Variants in CYTIP observed in about 807,000 individuals in gnomAD.
The protein encoded by CYTIP is cytohesin 1 interacting protein, also known as cytohesin-interacting protein.
In CYTIP, 26 loss-of-function variants were observed where a neutral mutation model predicts 43.8. The ratio of observed to expected loss-of-function variants is 0.59; its 90% CI spans 0.44 to 0.82. CYTIP has a LOEUF of 0.82. CYTIP is among the 40% of genes least tolerant of loss of function. The pLI, the probability that CYTIP is intolerant of heterozygous loss-of-function variation, is 0.00. For synonymous variants in CYTIP, 162 were observed against 162.9 expected, an observed-to-expected ratio of 0.99 and a Z score of 0.04; for missense variants, 426 against 443.1, an observed-to-expected ratio of 0.96 and a Z score of 0.35.
intron 7 of CYTIP, among the ~76,000 whole-genome samples, chr2:157,416,471 T>C (rs1685442278): frequency 6.6e-6 from 1 of 152,184 alleles, no homozygotes; most frequent in Non-Finnish European, 1.5e-5. Flanking sequence ...TCCAAAATGA[T>C]CATTTCTTAA....
chr2:157,415,867 G>A lies in CYTIP; in HGVS notation c.890C>T (p.Ser297Leu). ...GATGCTCCGGTTCCTCCTTGAAGAT[G>A]ACCTCCTCAGAAAATCATCCCCCTC... The part of the protein sequence containing the change: ...PKEGDDFLRR[S>L]SSRRNRSISN... The change falls in exon 8 of 8, where the codon TCA (serine) becomes TTA (leucine). Residue 297 changes from serine to leucine, a missense_variant. Coordinates refer to ENST00000264192, the MANE Select transcript of CYTIP (RefSeq NM_004288.5). The A allele has an allele frequency of 6.2e-7, 1 of 1,614,132 alleles. No homozygotes were observed. The highest frequency in any genetic ancestry group is 8.5e-7 in the Non-Finnish European group (1 of 1,180,022).
intron 5 of CYTIP, among the ~76,000 whole-genome samples, chr2:157,430,022 C>CA (rs768455650): frequency 0.086 from 4,432 of 51,638 alleles, 152 homozygotes; most frequent in African/African-American, 0.16. Context: ...GACTCCGTCT[C>CA]AAAAAAAAAA....
intron 3 of CYTIP, among the ~76,000 whole-genome samples, chr2:157,431,895 A>G (rs1373487622): frequency 6.6e-6 from 1 of 152,198 alleles, no homozygotes; most frequent in African/African-American, 2.4e-5. Context: ...AGCCACATGC[A>G]AGCAACTTCT....
Position 157,415,446 on chromosome 2 carries a change from T to C in CYTIP, c.*231A>G, listed in dbSNP as rs1298412896. The stretch of plus-strand genomic sequence containing the variant: ...TGAGCAGGAACCTGCATCTTTGTTA[T>C]ATTAATTAACTTATTATTTAGTTTT... On this transcript the variant is annotated 3_prime_UTR_variant, in exon 8 of 8. Coordinates refer to ENST00000264192, the MANE Select transcript of CYTIP (RefSeq NM_004288.5). 6 of 449,290 alleles carry C rather than the reference T, an allele frequency of 1.3e-5. No individual in the cohort carries two copies. The highest frequency in any genetic ancestry group is 4.1e-5 in the Admixed American group (1 of 24,578). The allele number at this position is 449,290 out of a possible 1,614,324, so 27.8% of individuals were successfully genotyped here.
rs1188008352 is a variant in CYTIP, at chr2:157,415,413, T to A, written c.*264A>T. The A allele has an allele frequency of 2.9e-6, 1 of 347,300 alleles. No individual in the cohort carries two copies. The highest frequency in any genetic ancestry group is 5.3e-6 in the Non-Finnish European group (1 of 188,142). 21.5% of individuals were successfully genotyped at this position (347,300 alleles called of 1,614,324 possible). A position where few individuals can be genotyped will look rare whatever the true frequency, so the allele number is the denominator to read the frequency against. ...ATATTAGTTTTGCTTTCAAAGACATTACTGGAATGAGCAGGAACCTGCATC... is the reference window on the plus strand; with the variant it reads ...ATATTAGTTTTGCTTTCAAAGACATAACTGGAATGAGCAGGAACCTGCATC... On this transcript the variant is annotated 3_prime_UTR_variant, in exon 8 of 8. Transcript: ENST00000264192.
intron 1 of CYTIP, among the ~76,000 whole-genome samples, chr2:157,439,590 C>T (rs1394005236): frequency 6.6e-6 from 1 of 152,122 alleles, no homozygotes; most frequent in Non-Finnish European, 1.5e-5. Flanking sequence ...GTAGTGATGG[C>T]GCCAAAAATC....
At chr2:157,416,654 ACAGT>A (rs1401180312) in intron 7 of CYTIP, among the ~76,000 whole-genome samples, 1 of 152,220 alleles carries the variant, frequency 6.6e-6, no homozygotes, top group African/African-American at 2.4e-5. Context: ...TAAATAGAAA[ACAGT>A]TATGGAACAG....
At chr2:157,417,874 A>C (rs920539135) in intron 7 of CYTIP, among the ~76,000 whole-genome samples, 1 of 152,186 alleles carries the variant, frequency 6.6e-6, no homozygotes, top group Non-Finnish European at 1.5e-5. Flanking sequence ...TTTCACACCC[A>C]CGTAGTGGTT....
intron 5 of CYTIP, 99 bp downstream of exon 5, chr2:157,430,460 G>A (rs552825547): frequency 1.0e-4 from 103 of 1,023,480 alleles, no homozygotes; most frequent in Admixed American, 2.9e-4. Flanking sequence ...GCCTCACTCC[G>A]TCTTGTAATG....
At chr2:157,433,626 C>T (rs1429822404) in intron 3 of CYTIP, among the ~76,000 whole-genome samples, 1 of 152,114 alleles carries the variant, frequency 6.6e-6, no homozygotes, top group Non-Finnish European at 1.5e-5. Context: ...TAAGCTACTA[C>T]TGTTGCACTT....
At chr2:157,441,443 A>C (rs928788291) in intron 1 of CYTIP, among the ~76,000 whole-genome samples, 1 of 152,228 alleles carries the variant, frequency 6.6e-6, no homozygotes, top group Admixed American at 6.5e-5. Flanking sequence ...TTCTCACAAC[A>C]GTAAGAAAAA....
Position 157,416,023 on chromosome 2 carries a change from C to T in CYTIP, c.734G>A (p.Ser245Asn). 8 of 1,614,226 alleles carry T rather than the reference C, an allele frequency of 5.0e-6. No individual in the cohort carries two copies. Among genetic ancestry groups the T allele is most frequent in the Non-Finnish European group, 6.8e-6 (8 of 1,180,046 alleles). ...CATGGAGCTCAGCCAGCTCTTACAGCTGCTCTCACTGGATAATCGATTCCG... is the reference window on the plus strand; with the variant it reads ...CATGGAGCTCAGCCAGCTCTTACAGTTGCTCTCACTGGATAATCGATTCCG... ...VDRNRLSSES[S>N]CKSWLSSMTM... The change falls in exon 8 of 8, where the codon AGC (serine) becomes AAC (asparagine). Residue 245 changes from serine to asparagine, a missense_variant. Coordinates refer to ENST00000264192, the MANE Select transcript of CYTIP (RefSeq NM_004288.5).
chr2:157,434,843 T>TCACA lies in CYTIP; in HGVS notation c.175-97_175-96insTGTG, dbSNP rs1442664111. 252 of 376,962 alleles carry TCACA rather than the reference T, an allele frequency of 6.7e-4. 4 individuals carry two copies. The highest frequency in any genetic ancestry group is 9.9e-4 in the Admixed American group (32 of 32,222). 23.4% of individuals were successfully genotyped at this position (376,962 alleles called of 1,614,324 possible). ...CTCTCTCTCTCTCTCTCTCTCTCTC[T>TCACA]CTCTCTCACACACACACACACACAC... On this transcript the variant is annotated intron_variant, in intron 1 of 7. Transcript: ENST00000264192.
intron 4 of CYTIP, 75 bp from the exon 5 acceptor site, chr2:157,430,727 C>G (rs1292552027): frequency 1.3e-6 from 2 of 1,491,324 alleles, no homozygotes; most frequent in Non-Finnish European, 1.9e-6. Context: ...ATGAAACAAG[C>G]AGCTCCAAGT....
Position 157,415,193 on chromosome 2 carries a change from T to C in CYTIP, c.*484A>G, listed in dbSNP as rs1573851513. On this transcript the variant is annotated 3_prime_UTR_variant, in exon 8 of 8. Transcript: ENST00000264192. ...ATGGTCATCTTTGTTTACAAGCCATTACAGGTTTGAACAAATTCAAAATTG... is the reference window on the plus strand; with the variant it reads ...ATGGTCATCTTTGTTTACAAGCCATCACAGGTTTGAACAAATTCAAAATTG... The C allele has an allele frequency of 1.3e-5, 2 of 157,544 alleles. No homozygotes were observed. The allele number at this position is 157,544 out of a possible 1,614,324, so 9.8% of individuals were successfully genotyped here.
chr2:157,435,289 C>T (rs533212124), intron 1 of CYTIP, among the ~76,000 whole-genome samples: 109 of 152,200 alleles, frequency 7.2e-4, no homozygotes, highest in African/African-American at 1.2e-3. Context: ...TAATTCAATA[C>T]GTTACTGTTT....
At chr2:157,429,557 G>A (rs182480990) in intron 5 of CYTIP, among the ~76,000 whole-genome samples, 179 of 152,072 alleles carry the variant, frequency 1.2e-3, no homozygotes, top group Middle Eastern at 3.4e-3. Context: ...CTTTATCTTC[G>A]TCTCTCCTGA....
intron 5 of CYTIP, 118 bp from the exon 6 acceptor site, chr2:157,427,538 G>A (rs937838490): frequency 1.4e-5 from 9 of 639,732 alleles, no homozygotes; most frequent in African/African-American, 1.9e-5. Flanking sequence ...TACTAAAAAC[G>A]AAATACAAAT....
chr2:157,415,676 G>A lies in CYTIP; in HGVS notation c.*1C>T, dbSNP rs140241839. 140 of 1,594,586 alleles carry A rather than the reference G, an allele frequency of 8.8e-5. No individual in the cohort carries two copies. Among genetic ancestry groups the A allele is most frequent in the East Asian group, 6.7e-5 (3 of 44,774 alleles). ...CTAATTTGAAAGGACACCACAATCC[G>A]TCAAAAGCGACTTTCTTCCTCTTCC... is the stretch of plus-strand genomic sequence containing the variant. On this transcript the variant is annotated 3_prime_UTR_variant, in exon 8 of 8. Transcript: ENST00000264192.
Sources: allele counts gnomAD v4.1 joint callset (sites outside exome capture counted in the v4.1 genomes callset), GRCh38; gene constraint gnomAD v4.1.1; transcripts MANE v1.5; gene names NCBI Gene and HGNC (gene_info 2026-07-23, HGNC 2026-07-21).